STK39: variants seen among roughly 807,000 people sequenced by gnomAD.
The protein encoded by STK39 is STE20/SPS1-related proline-alanine-rich protein kinase.
In STK39, 20 loss-of-function variants were observed where a neutral mutation model predicts 77.8. The observed-to-expected ratio is 0.26, with a 90% CI of 0.18 to 0.37. STK39 has a LOEUF of 0.37. Among genes scored for constraint, STK39 ranks in the 10% least tolerant of loss-of-function variants. STK39 has a pLI of 1.00. For synonymous variants in STK39, 246 were observed against 234.1 expected, an observed-to-expected ratio of 1.05 and a Z score of -0.47; for missense variants, 479 against 656.5, an observed-to-expected ratio of 0.73 and a Z score of 2.95.
intron 10 of STK39, 132 bp from the exon 11 acceptor site, chr2:168,075,363 T>TA: frequency 1.6e-6 from 2 of 1,268,528 alleles, no homozygotes; most frequent in Non-Finnish European, 2.2e-6. Context: ...CAGGGATAGC[T>TA]AGCGGTTAAG....
chr2:168,080,215 G>A (rs1378685952), intron 10 of STK39, among the ~76,000 whole-genome samples: 8 of 152,200 alleles, frequency 5.3e-5, no homozygotes, highest in African/African-American at 1.7e-4. Context: ...GGTATTTGGT[G>A]GAAGAAATTT....
intron 14 of STK39, among the ~76,000 whole-genome samples, chr2:168,019,828 C>T (rs1485090368): frequency 5.9e-5 from 9 of 152,104 alleles, no homozygotes; most frequent in African/African-American, 1.7e-4. Flanking sequence ...CTCAGCCTCC[C>T]GAGCAGCTGA....
At chr2:167,988,944 C>A (rs1026713479) in intron 16 of STK39, among the ~76,000 whole-genome samples, 5 of 152,170 alleles carry the variant, frequency 3.3e-5, no homozygotes, top group African/African-American at 1.2e-4. Context: ...GAGCTTCAAC[C>A]AAGAGAGGTG....
intron 12 of STK39, among the ~76,000 whole-genome samples, chr2:168,073,807 G>A (rs925834529): frequency 3.3e-5 from 5 of 152,046 alleles, no homozygotes; most frequent in Non-Finnish European, 5.9e-5. Flanking sequence ...TAGTAGAGAC[G>A]GGGTTTCGCC....
At chr2:168,227,495 A>G (rs1034501758) in intron 1 of STK39, among the ~76,000 whole-genome samples, 1 of 152,180 alleles carries the variant, frequency 6.6e-6, no homozygotes, top group Non-Finnish European at 1.5e-5. Flanking sequence ...TTCTACAAAA[A>G]GATACCACAT....
chr2:168,095,223 G>A lies in STK39; in HGVS notation c.1090-19992C>T, dbSNP rs906314882. Among the ~76,000 whole-genome samples the A allele has an allele frequency of 8.5e-5, 13 of 152,102 alleles. No homozygotes were observed. In the East Asian group the frequency reaches 1.4e-3, roughly 16 times the overall value. On this transcript the variant is annotated intron_variant, in intron 10 of 17. Transcript: ENST00000355999. ...TGGGCTCCTTACAGCTCACAGCACC[G>A]CATCCCAACCCCATGGCTTAAGATC... is the stretch of plus-strand genomic sequence containing the variant.
chr2:168,090,043 T>G (rs937805003), intron 10 of STK39, among the ~76,000 whole-genome samples: 1 of 152,236 alleles, frequency 6.6e-6, no homozygotes, highest in Non-Finnish European at 1.5e-5. Context: ...ATACTCTGCT[T>G]TTCCATTCCT....
rs571309687 is a variant in STK39 at position 168,247,544 on chromosome 2, CCCG to C, written c.-112_-110del. On this transcript the variant is annotated 5_prime_UTR_variant, in exon 1 of 18. Coordinates refer to ENST00000355999, the MANE Select transcript of STK39 (RefSeq NM_013233.3). ...TCTCGGCCGGCGCACGCCCTCCCCG[CCCG>C]CCGCCGCCGCCGCCGTCCCCGCCGA... is the stretch of plus-strand genomic sequence containing the variant. The C allele has an allele frequency of 2.7e-3, 1,269 of 477,702 alleles. 7 individuals carry two copies. Among genetic ancestry groups the C allele is most frequent in the African/African-American group, 0.014 (689 of 47,638 alleles). The allele number at this position is 477,702 out of a possible 1,614,324, so 29.6% of individuals were successfully genotyped here.
chr2:168,091,179 CACACAT>C (rs1325312656), intron 10 of STK39, among the ~76,000 whole-genome samples: 25 of 151,914 alleles, frequency 1.6e-4, no homozygotes, highest in Admixed American at 2.6e-4. Flanking sequence ...CACACACACA[CACACAT>C]GATACAGCAC....
chr2:168,233,829 CTTT>C (rs532924057), intron 1 of STK39, among the ~76,000 whole-genome samples: 2 of 152,108 alleles, frequency 1.3e-5, no homozygotes, highest in Non-Finnish European at 2.9e-5. Context: ...CTAAAATGAT[CTTT>C]TTTAAGATAT....
At chr2:167,977,375 A>G (rs545935138) in intron 16 of STK39, among the ~76,000 whole-genome samples, 115 of 152,334 alleles carry the variant, frequency 7.5e-4, no homozygotes, top group African/African-American at 2.2e-3. Flanking sequence ...GGTGTAATCA[A>G]TAAAACTGTA....
intron 16 of STK39, among the ~76,000 whole-genome samples, chr2:167,975,460 C>T (rs912826777): frequency 1.3e-5 from 2 of 152,050 alleles, no homozygotes; most frequent in African/African-American, 2.4e-5. Flanking sequence ...ACAATTTCCC[C>T]CCAGGAAAAG....
chr2:168,127,440 C>T (rs554508743), intron 10 of STK39, among the ~76,000 whole-genome samples: 1 of 152,326 alleles, frequency 6.6e-6, no homozygotes, highest in South Asian at 2.1e-4. Context: ...TGAGCCACCA[C>T]ACCCGGCCAA....
chr2:167,980,630 C>T (rs1401434372), intron 16 of STK39, among the ~76,000 whole-genome samples: 1 of 152,132 alleles, frequency 6.6e-6, no homozygotes, highest in African/African-American at 2.4e-5. Context: ...GTGGCAGTCC[C>T]AAGCAGAGGC....
intron 16 of STK39, among the ~76,000 whole-genome samples, chr2:168,006,720 C>G (rs1026928998): frequency 6.6e-6 from 1 of 152,182 alleles, no homozygotes; most frequent in Non-Finnish European, 1.5e-5. Context: ...ATCTTATCAA[C>G]GGCTATTTAC....
At chr2:168,060,652 T>A (rs1482444121) in intron 14 of STK39, among the ~76,000 whole-genome samples, 1 of 152,254 alleles carries the variant, frequency 6.6e-6, no homozygotes, top group African/African-American at 2.4e-5. Context: ...TACATTTCTA[T>A]TATTTGAAAG....
chr2:168,078,528 A>C (rs1307905878), intron 10 of STK39, among the ~76,000 whole-genome samples: 1 of 152,190 alleles, frequency 6.6e-6, no homozygotes, highest in Non-Finnish European at 1.5e-5. Context: ...GTCCCCATGC[A>C]ACTCAAAGAA....
chr2:168,184,448 T>C (rs1298064099), intron 1 of STK39, among the ~76,000 whole-genome samples: 3 of 152,090 alleles, frequency 2.0e-5, no homozygotes, highest in African/African-American at 7.2e-5. Context: ...CTACTCTAAA[T>C]CCAAAGATTT....
chr2:168,130,502 G>A (rs1426091656), intron 8 of STK39, among the ~76,000 whole-genome samples: 1 of 152,142 alleles, frequency 6.6e-6, no homozygotes, highest in African/African-American at 2.4e-5. Flanking sequence ...GGTCCTGTTA[G>A]GTCATTCCAC....
Sources: gnomAD v4.1 joint callset for allele counts (sites outside exome capture counted in the v4.1 genomes callset) on GRCh38, gnomAD v4.1.1 for gene constraint, MANE v1.5 for transcripts, NCBI Gene and HGNC (gene_info 2026-07-23, HGNC 2026-07-21) for gene names.